FAM178B: variants seen among roughly 807,000 people sequenced by gnomAD.
The protein encoded by FAM178B is protein FAM178B.
Under a neutral mutation model 91.7 loss-of-function variants are expected in FAM178B, and 82 were observed. The observed-to-expected ratio is 0.89, with a 90% CI of 0.75 to 1.07. The LOEUF (loss-of-function observed/expected upper bound fraction) is 1.07, where lower values mean the gene tolerates loss of function less well. Among genes scored for constraint, FAM178B ranks in the 50% least tolerant of loss-of-function variants. The pLI is 0.00. For synonymous variants in FAM178B, 368 were observed against 359.4 expected, an observed-to-expected ratio of 1.02 and a Z score of -0.27; for missense variants, 769 against 846.7, an observed-to-expected ratio of 0.91 and a Z score of 1.14.
intron 5 of FAM178B, among the ~76,000 whole-genome samples, chr2:96,967,300 T>C (rs1332920294): frequency 6.6e-6 from 1 of 152,246 alleles, no homozygotes; most frequent in Non-Finnish European, 1.5e-5. Context: ...ATGATCCCTG[T>C]GTGGCAAAGG....
intron 6 of FAM178B, among the ~76,000 whole-genome samples, chr2:96,957,707 C>T (rs1282611721): frequency 2.0e-5 from 3 of 152,218 alleles, no homozygotes; most frequent in Non-Finnish European, 2.9e-5. Context: ...ACCTCAGTTC[C>T]TGCCCAGACA....
chr2:96,921,080 G>C (rs2081329620), intron 12 of FAM178B, 85 bp downstream of exon 12: 3 of 1,139,082 alleles, frequency 2.6e-6, no homozygotes, highest in Non-Finnish European at 3.9e-6. Context: ...GGTTTGTTGG[G>C]GCTGATGGGG....
intron 13 of FAM178B, among the ~76,000 whole-genome samples, chr2:96,898,777 C>T (rs920395178): frequency 6.6e-6 from 1 of 152,198 alleles, no homozygotes; most frequent in Admixed American, 6.5e-5. Context: ...GCACTGAGGA[C>T]AGCAGCCAGG....
At chr2:96,942,173 G>A (rs2081743662) in intron 8 of FAM178B, among the ~76,000 whole-genome samples, 1 of 152,200 alleles carries the variant, frequency 6.6e-6, no homozygotes, top group Non-Finnish European at 1.5e-5. Context: ...CATGTACACT[G>A]AAAATTACAA....
rs774728782 is a variant in FAM178B, at chr2:96,902,636, C to T, written c.1634G>A (p.Trp545Ter). ...AACACTCACCTGGGTCTTCTCTTGC[C>T]AGAGAGGGAGCATCTCCTGCTGGCC... ...MLGQQEMLPL[W>*]QEKTQLSSLS... Residue 545 changes from tryptophan to a stop codon, truncating the protein, a stop_gained, in exon 13 of 17, where the codon TGG becomes TAG. Transcript: ENST00000490605. LOFTEE classifies it high-confidence loss of function. 1.9e-6 allele frequency: 3 copies of T among 1,550,434 alleles called. No homozygotes were observed. The African/African-American group carries it at 4.1e-5, about 21-fold the overall frequency.
intron 8 of FAM178B, among the ~76,000 whole-genome samples, chr2:96,930,735 T>G (rs1295713469): frequency 6.6e-6 from 1 of 152,236 alleles, no homozygotes. Context: ...AAAGCTCATA[T>G]GTTGAAATTT....
chr2:96,901,052 A>G (rs2080917802), intron 13 of FAM178B, among the ~76,000 whole-genome samples: 1 of 151,946 alleles, frequency 6.6e-6, no homozygotes, highest in African/African-American at 2.4e-5. Context: ...CCTTCCATCC[A>G]TCCTTGGGCT....
intron 4 of FAM178B, 52 bp downstream of exon 4, chr2:96,970,664 T>C: frequency 7.1e-7 from 1 of 1,414,180 alleles, no homozygotes; most frequent in African/African-American, 1.4e-5. Context: ...CCGGGACTGC[T>C]GCCAACCCTG....
At chr2:96,903,887 A>G (rs890773337) in intron 12 of FAM178B, among the ~76,000 whole-genome samples, 2 of 152,224 alleles carry the variant, frequency 1.3e-5, no homozygotes, top group African/African-American at 4.8e-5. Flanking sequence ...AGATTTTCTT[A>G]GGAAAGAGTC....
intron 13 of FAM178B, among the ~76,000 whole-genome samples, chr2:96,896,944 G>A (rs200628739): frequency 6.6e-6 from 1 of 152,148 alleles, no homozygotes; most frequent in East Asian, 1.9e-4. Context: ...TCTGCTCTCT[G>A]CAACCTCCAC....
In FAM178B at chr2:96,921,468, C is replaced by T. The variant is rs750735473; in HGVS notation, c.1464+10G>A. On this transcript the variant is annotated intron_variant, in intron 11 of 16. Transcript: ENST00000490605. ...AGCTGTATGAGGACCAGGCTCTGGG[C>T]GTCTAGTACCTTCCCTGGCCACTCC... is the stretch of plus-strand genomic sequence containing the variant. 203 of 1,551,460 alleles carry T rather than the reference C, an allele frequency of 1.3e-4. No homozygotes were observed. The highest frequency in any genetic ancestry group is 1.7e-4 in the Non-Finnish European group (194 of 1,146,946).
At chr2:96,957,415 G>A (rs913049345) in intron 6 of FAM178B, among the ~76,000 whole-genome samples, 3 of 152,140 alleles carry the variant, frequency 2.0e-5, no homozygotes, top group African/African-American at 4.8e-5. Flanking sequence ...GCCCAAAGCC[G>A]ATTCCCAAGA....
chr2:96,886,937 G>T (rs1001085600), intron 14 of FAM178B, among the ~76,000 whole-genome samples: 2 of 152,190 alleles, frequency 1.3e-5, no homozygotes, highest in Non-Finnish European at 2.9e-5. Flanking sequence ...CCTTTTGGCC[G>T]GGCGCGGTGG....
chr2:96,891,222 C>G (rs983331310), intron 14 of FAM178B, among the ~76,000 whole-genome samples: 2 of 152,210 alleles, frequency 1.3e-5, no homozygotes, highest in African/African-American at 4.8e-5. Context: ...TGGTGCTTTC[C>G]CAGGCAGGAC....
intron 12 of FAM178B, among the ~76,000 whole-genome samples, chr2:96,915,235 G>C (rs760308240): frequency 1.3e-5 from 2 of 151,216 alleles, no homozygotes; most frequent in African/African-American, 4.9e-5. Flanking sequence ...TCAGCCTCCT[G>C]AATAGCTGGG....
intron 1 of FAM178B, among the ~76,000 whole-genome samples, chr2:96,975,790 A>G (rs1422250821): frequency 1.3e-5 from 2 of 152,218 alleles, no homozygotes; most frequent in Non-Finnish European, 2.9e-5. Flanking sequence ...GTTCCCCCTT[A>G]TCGATTTCAC....
At position 96,928,486 on chromosome 2, in the gene FAM178B, C is replaced by T. The variant is rs146090655; in HGVS notation, c.1193+720G>A. Among the ~76,000 whole-genome samples, 67 of 152,236 alleles carry T rather than the reference C, an allele frequency of 4.4e-4. No homozygotes were observed. The East Asian group carries it at 0.01, about 24-fold the overall frequency. ...ACGAGCAAGTCAGCCCGGGGCTCAA[C>T]GGGGGCACTCATGACACAAAACTGA... is the stretch of plus-strand genomic sequence containing the variant. On this transcript the variant is annotated intron_variant, in intron 9 of 16. Transcript: ENST00000490605.
intron 12 of FAM178B, among the ~76,000 whole-genome samples, chr2:96,911,055 A>G (rs1378181165): frequency 6.6e-6 from 1 of 152,104 alleles, no homozygotes; most frequent in East Asian, 1.9e-4. Context: ...GGTGTGAGCC[A>G]CCGTGCCTGG....
chr2:96,884,510 G>A (rs765972798), intron 14 of FAM178B, among the ~76,000 whole-genome samples: 9 of 152,348 alleles, frequency 5.9e-5, no homozygotes, highest in South Asian at 2.1e-4. Flanking sequence ...GCACAACAGC[G>A]ATGAATCATG....
Sources: gnomAD v4.1 joint callset for allele counts (sites outside exome capture counted in the v4.1 genomes callset) on GRCh38, gnomAD v4.1.1 for gene constraint, MANE v1.5 for transcripts, NCBI Gene and HGNC (gene_info 2026-07-23, HGNC 2026-07-21) for gene names.